The following CCNB3 variants were observed in gnomAD, a reference collection of about 807,000 sequenced individuals.
CCNB3 encodes the protein cyclin B3, also known as G2/mitotic-specific cyclin-B3.
A neutral mutation model predicts 68.0 loss-of-function variants in CCNB3; 12 were observed. The ratio of observed to expected loss-of-function variants is 0.18; its 90% CI spans 0.11 to 0.29. CCNB3 has a LOEUF of 0.29. Among genes scored for constraint, CCNB3 ranks in the 10% least tolerant of loss-of-function variants. The probability of loss-of-function intolerance (pLI) is 1.00; values close to 1 mark genes in which losing one functional copy is unlikely to be tolerated. For missense variants in CCNB3, 904 were observed against 993.1 expected (o/e 0.91, Z 1.21); for synonymous variants, 354 against 388.9 (o/e 0.91, Z 1.06).
At chrX:50,347,167 C>T (rs782723583) in intron 10 of CCNB3, among the ~76,000 whole-genome samples, 4 of 111,492 alleles carry the variant, frequency 3.6e-5, no homozygotes, top group African/African-American at 1.3e-4. Context: ...CTTTATAATT[C>T]ATTGTATTGT....
intron 8 of CCNB3, chrX:50,341,603 C>T (rs1923147681): frequency 9.3e-6 from 1 of 107,099 alleles, no homozygotes; most frequent in Admixed American, 1.0e-4. Flanking sequence ...ATTGACAAGC[C>T]ATAAGCTAGA....
At chrX:50,301,290 G>A (rs1385168882) in intron 5 of CCNB3, among the ~76,000 whole-genome samples, 1 of 111,385 alleles carries the variant, frequency 9.0e-6, no homozygotes, top group Non-Finnish European at 1.9e-5. Flanking sequence ...CTTTGGTGAT[G>A]GTGATGTACA....
At chrX:50,286,613 G>GTTT (rs369525241) in intron 3 of CCNB3, among the ~76,000 whole-genome samples, 1 of 75,361 alleles carries the variant, frequency 1.3e-5, no homozygotes. Context: ...CCTCAGTTCG[G>GTTT]TTTTTTTTTT....
At chrX:50,221,232 A>G (rs1935667902) in intron 1 of CCNB3, among the ~76,000 whole-genome samples, 1 of 111,205 alleles carries the variant, frequency 9.0e-6, no homozygotes, top group Non-Finnish European at 1.9e-5. Context: ...CAGCTCCTGT[A>G]TTCTTCGATT....
rs149508623 is a variant in CCNB3, at chrX:50,312,568, G to A, written c.3359G>A (p.Ser1120Asn). Residue 1120 changes from serine to asparagine, a missense_variant, in exon 7 of 13, where the codon AGC becomes AAC. Physicochemically the swap from Ser to Asn is conservative, Grantham distance 46 (BLOSUM62 1). Transcript: ENST00000376042. Reference sequence around the variant, plus strand: ...CCACGGGAAGATATTGATGAGGACAGCAGTGATCCAAGTTTCAACCCAATG... The same window carrying A: ...CCACGGGAAGATATTGATGAGGACAACAGTGATCCAAGTTTCAACCCAATG... ...ITPREDIDED[S>N]SDPSFNPMYA... is the part of the protein sequence containing the mutation. The A allele has an allele frequency of 2.3e-4, 272 of 1,205,260 alleles. No individual in the cohort carries two copies. The African/African-American group carries it at 4.2e-3, about 18-fold the overall frequency.
chrX:50,281,879 CCTCA>C (rs1936143043), intron 1 of CCNB3, among the ~76,000 whole-genome samples: 1 of 110,893 alleles, frequency 9.0e-6, no homozygotes, highest in Non-Finnish European at 1.9e-5. Flanking sequence ...GGACACGTGT[CCTCA>C]CTCTATTGTT....
chrX:50,218,831 A>C (rs1259870596), intron 1 of CCNB3, among the ~76,000 whole-genome samples: 2 of 111,685 alleles, frequency 1.8e-5, no homozygotes, highest in Admixed American at 1.9e-4. Context: ...GGTATTTCTC[A>C]TTCTAGGTCC....
At chrX:50,279,637 T>C (rs1001863634) in intron 1 of CCNB3, among the ~76,000 whole-genome samples, 8 of 76,152 alleles carry the variant, frequency 1.1e-4, no homozygotes, top group Non-Finnish European at 2.2e-4. Context: ...TGTAAATATA[T>C]GAATATGTAC....
rs1344052582 is a variant in CCNB3 at position 50,227,880 on chromosome X, G to C, written c.-113+22930G>C. Among the ~76,000 whole-genome samples, 216 of 76,205 alleles carry C rather than the reference G, an allele frequency of 2.8e-3. 1 individual carries two copies. Among genetic ancestry groups the C allele is most frequent in the African/African-American group, 0.012 (198 of 17,079 alleles). The allele number at this position is 76,205 out of a possible 115,157, so 66.2% of individuals were successfully genotyped here. A position where few individuals can be genotyped will look rare whatever the true frequency, so the allele number is the denominator to read the frequency against. On this transcript the variant is annotated intron_variant, in intron 1 of 12. Transcript: ENST00000376042. Reference sequence around the variant, plus strand: ...TATATGGAGAATATATAAATATATAGAGAGAAAATATATAAATATATAGAG... The same window carrying C: ...TATATGGAGAATATATAAATATATACAGAGAAAATATATAAATATATAGAG...
intron 5 of CCNB3, among the ~76,000 whole-genome samples, chrX:50,301,528 G>T (rs1936635452): frequency 8.9e-6 from 1 of 111,915 alleles, no homozygotes. Context: ...GCCGTGTGAG[G>T]TGTCAGTCCG....
In CCNB3 at chrX:50,288,774, T is replaced by A; in HGVS notation, c.97-6T>A. ...ATATACTCATTTACCTCTTTTACTT[T>A]TTTAGACGGGGGAGAATTGCCAAAC... On this transcript the variant is annotated splice_region_variant and splice_polypyrimidine_tract_variant and intron_variant, in intron 3 of 12. Coordinates refer to ENST00000376042, the MANE Select transcript of CCNB3 (RefSeq NM_033031.3). 10 of 1,191,257 alleles carry A rather than the reference T, an allele frequency of 8.4e-6. No homozygotes were observed. Among genetic ancestry groups the A allele is most frequent in the African/African-American group, 1.7e-5 (1 of 57,314 alleles).
In CCNB3 at chrX:50,337,473, A is replaced by G. The variant is rs1380693117; in HGVS notation, c.3517-4729A>G. Among the ~76,000 whole-genome samples, 4 of 110,434 alleles carry G rather than the reference A, an allele frequency of 3.6e-5. No individual in the cohort carries two copies. In the East Asian group the frequency reaches 1.1e-3, roughly 32 times the overall value. ...AAACTAGCTGTAACCAAGAATCTATATACGGGAACTGATCTGGGTGCCCTG... is the reference window on the plus strand; with the variant it reads ...AAACTAGCTGTAACCAAGAATCTATGTACGGGAACTGATCTGGGTGCCCTG... On this transcript the variant is annotated intron_variant, in intron 8 of 12. Coordinates refer to ENST00000376042, the MANE Select transcript of CCNB3 (RefSeq NM_033031.3).
At chrX:50,286,202 A>G (rs965922221) in intron 3 of CCNB3, among the ~76,000 whole-genome samples, 2 of 112,393 alleles carry the variant, frequency 1.8e-5, no homozygotes, top group Non-Finnish European at 3.8e-5. Flanking sequence ...ATTTTTGGCT[A>G]ATTTCTAGTG....
intron 8 of CCNB3, among the ~76,000 whole-genome samples, chrX:50,330,321 G>T (rs1366546135): frequency 9.0e-6 from 1 of 111,607 alleles, no homozygotes; most frequent in Non-Finnish European, 1.9e-5. Flanking sequence ...TAGGTCAGGG[G>T]TCAATTTTTA....
intron 1 of CCNB3, among the ~76,000 whole-genome samples, chrX:50,226,189 A>G (rs1329577682): frequency 7.2e-4 from 23 of 32,067 alleles, no homozygotes; most frequent in Non-Finnish European, 1.3e-3. Flanking sequence ...ATAGATATAT[A>G]AATATATATA....
At chrX:50,279,870 A>G (rs1235830049) in intron 1 of CCNB3, among the ~76,000 whole-genome samples, 2 of 87,763 alleles carry the variant, frequency 2.3e-5, no homozygotes, top group Admixed American at 1.6e-4. Flanking sequence ...TACTATATAT[A>G]AAATATATAT....
chrX:50,218,107 A>G (rs1479130491), intron 1 of CCNB3, among the ~76,000 whole-genome samples: 3 of 111,892 alleles, frequency 2.7e-5, no homozygotes, highest in Non-Finnish European at 5.6e-5. Context: ...AATATATTAA[A>G]CCTTTGCCAG....
In CCNB3 at chrX:50,310,771, A is replaced by G; in HGVS notation, c.2602A>G (p.Ile868Val). 1 of 1,211,492 alleles carries G rather than the reference A, an allele frequency of 8.3e-7. No homozygotes were observed. The highest frequency in any genetic ancestry group is 2.2e-5 in the Admixed American group (1 of 45,977). The change falls in exon 6 of 13, where the codon ATT becomes GTT. Residue 868 changes from isoleucine to valine, a missense_variant. By Grantham distance (29) the Ile-to-Val change is conservative. Coordinates refer to ENST00000376042, the MANE Select transcript of CCNB3 (RefSeq NM_033031.3). ...ETLALQEKPS[I>V]EQEALFKRHS... ...TTTGGCCTTGCAGGAGAAGCCCAGC[A>G]TTGAGCAGGAGGCCCTCTTTAAGCG...
Position 50,222,641 on chromosome X carries a change from T to TA in CCNB3, c.-113+17692dup, listed in dbSNP as rs1356269916. Among the ~76,000 whole-genome samples the TA allele has an allele frequency of 1.4e-4, 16 of 112,008 alleles. No individual in the cohort carries two copies. The East Asian group carries it at 3.9e-3, about 27-fold the overall frequency. ...GGGTTTCTGCAGAGAGATCCGCTGT[T>TA]AGTCTGATGGGCTTCTCTTTGTGGG... is the stretch of plus-strand genomic sequence containing the variant. On this transcript the variant is annotated intron_variant, in intron 1 of 12. Transcript: ENST00000376042.
Sources: allele counts gnomAD v4.1 joint callset (sites outside exome capture counted in the v4.1 genomes callset), GRCh38; gene constraint gnomAD v4.1.1; transcripts MANE v1.5; gene names NCBI Gene and HGNC (gene_info 2026-07-23, HGNC 2026-07-21).